Variants in DCLRE1C observed in about 807,000 individuals in gnomAD.
DCLRE1C encodes DNA cross-link repair 1C, also known as protein artemis.
Under a neutral mutation model 61.4 loss-of-function variants are expected in DCLRE1C, and 47 were observed. The ratio of observed to expected loss-of-function variants is 0.77; its 90% CI spans 0.61 to 0.98. The LOEUF (loss-of-function observed/expected upper bound fraction) is 0.98. Ranked by LOEUF, DCLRE1C falls within the 50% of genes least tolerant of loss-of-function variation. DCLRE1C has a pLI of 0.00. For synonymous variants in DCLRE1C, 337 were observed against 287.6 expected (o/e 1.17, Z -1.74); for missense variants, 858 against 816.0 (o/e 1.05, Z -0.63).
intron 3 of DCLRE1C, among the ~76,000 whole-genome samples, chr10:14,943,714 A>AT (rs1013620033): frequency 6.6e-6 from 1 of 151,764 alleles, no homozygotes; most frequent in African/African-American, 2.4e-5. Flanking sequence ...ACCACACCCA[A>AT]TTTTTTGCAT....
At chr10:14,917,459 A>G (rs1836379428) in intron 13 of DCLRE1C, among the ~76,000 whole-genome samples, 1 of 152,094 alleles carries the variant, frequency 6.6e-6, no homozygotes, top group Non-Finnish European at 1.5e-5. Context: ...AGAGTAGAAG[A>G]AAATCTTTGT....
intron 11 of DCLRE1C, among the ~76,000 whole-genome samples, chr10:14,925,455 C>T (rs2130815969): frequency 6.6e-6 from 1 of 152,274 alleles, no homozygotes; most frequent in African/African-American, 2.4e-5. Flanking sequence ...ATTATAGTCA[C>T]CATAAATGCT....
At chr10:14,947,439 A>G (rs542257252) in intron 2 of DCLRE1C, 14 of 152,314 alleles carry the variant, frequency 9.2e-5, no homozygotes, top group African/African-American at 3.1e-4. Context: ...GCAATAAGAC[A>G]TGATCAGTGT....
intron 12 of DCLRE1C, chr10:14,920,260 T>C: frequency 2.1e-6 from 1 of 465,592 alleles, no homozygotes; most frequent in Non-Finnish European, 3.1e-6. Flanking sequence ...AGGGTTTACT[T>C]ATATCTCACA....
At chr10:14,920,522 C>T in intron 12 of DCLRE1C, 1 of 598,642 alleles carries the variant, frequency 1.7e-6, no homozygotes, top group Non-Finnish European at 2.1e-6. Flanking sequence ...TTTACGTCCT[C>T]ACCCCTGTTC....
intron 6 of DCLRE1C, 58 bp from the exon 7 acceptor site, chr10:14,934,833 T>A: frequency 2.3e-6 from 3 of 1,326,128 alleles, no homozygotes; most frequent in Non-Finnish European, 3.3e-6. Flanking sequence ...ATGTGTAACT[T>A]TTTTTGTTTT....
rs1234786326 is a variant in DCLRE1C at position 14,904,972 on chromosome 10, A to C, written c.*3436T>G. 1.3e-5 allele frequency among the ~76,000 whole-genome samples: 2 copies of C among 152,242 alleles called. No individual in the cohort carries two copies. Among genetic ancestry groups the C allele is most frequent in the Admixed American group, 1.3e-4 (2 of 15,288 alleles). The stretch of plus-strand genomic sequence containing the variant: ...TTCCCCCATATCTAAAATGTAGACA[A>C]TAGTTGTTTCTCTTTTAGTTCATCA... On this transcript the variant is annotated 3_prime_UTR_variant, in exon 14 of 14. Transcript: ENST00000378278.
Position 14,904,614 on chromosome 10 carries a change from AGTTTT to A in DCLRE1C, c.*3789_*3793del, listed in dbSNP as rs1375268230. Among the ~76,000 whole-genome samples the A allele has an allele frequency of 6.6e-6, 1 of 152,172 alleles. No homozygotes were observed. Among genetic ancestry groups the A allele is most frequent in the Non-Finnish European group, 1.5e-5 (1 of 68,026 alleles). ...AAAAGACTATTTTCAGTAAACATGT[AGTTTT>A]GTTTTGTCTTTATTGATAGAATGTA... On this transcript the variant is annotated 3_prime_UTR_variant, in exon 14 of 14. Transcript: ENST00000378278.
Position 14,948,770 on chromosome 10 carries a change from T to A in DCLRE1C, c.161+266A>T, listed in dbSNP as rs12415197. On this transcript the variant is annotated intron_variant, in intron 2 of 13. Coordinates refer to ENST00000378278, the MANE Select transcript of DCLRE1C (RefSeq NM_001033855.3). The stretch of plus-strand genomic sequence containing the variant: ...TTTTTAGAGAGTGTATTTGGTAGGA[T>A]TATATATATATATATATATATCAAG... Among the ~76,000 whole-genome samples the A allele has an allele frequency of 8.3e-4, 119 of 143,596 alleles. 1 individual carries two copies. Among genetic ancestry groups the A allele is most frequent in the Middle Eastern group, 3.6e-3 (1 of 278 alleles). 94.2% of individuals were successfully genotyped at this position (143,596 alleles called of 152,430 possible).
rs750020058 is a variant in DCLRE1C, at chr10:14,908,165, C to CTTTTTTTTTTTTTTTT, written c.*227_*242dup. On this transcript the variant is annotated 3_prime_UTR_variant, in exon 14 of 14. Coordinates refer to ENST00000378278, the MANE Select transcript of DCLRE1C (RefSeq NM_001033855.3). The stretch of plus-strand genomic sequence containing the variant: ...CAGAGTAGCCCACCACCATGCCTGG[C>CTTTTTTTTTTTTTTTT]TTTTTTTTTTTTTTTTTTTTTTGTA... 1.5e-4 allele frequency: 29 copies of CTTTTTTTTTTTTTTTT among 197,852 alleles called. 10 individuals are homozygous for CTTTTTTTTTTTTTTTT. The highest frequency in any genetic ancestry group is 5.8e-4 in the South Asian group (10 of 17,232). The allele number at this position is 197,852 out of a possible 1,614,324, so 12.3% of individuals were successfully genotyped here.
chr10:14,920,142 T>C (rs1426239172), intron 12 of DCLRE1C, among the ~76,000 whole-genome samples: 2 of 152,190 alleles, frequency 1.3e-5, no homozygotes, highest in African/African-American at 2.4e-5. Flanking sequence ...ATCTTTGCTC[T>C]TGGAATGCAA....
chr10:14,946,572 C>T (rs1841722681), intron 2 of DCLRE1C, among the ~76,000 whole-genome samples: 1 of 152,096 alleles, frequency 6.6e-6, no homozygotes, highest in Non-Finnish European at 1.5e-5. Context: ...CCAGGTAGTA[C>T]AACTTCCTCC....
chr10:14,936,436 C>CT, intron 5 of DCLRE1C, 102 bp downstream of exon 5: 1 of 902,608 alleles, frequency 1.1e-6, no homozygotes, highest in Admixed American at 2.0e-5. Context: ...ACATGTGCCA[C>CT]TGCACCCAGC....
intron 1 of DCLRE1C, among the ~76,000 whole-genome samples, chr10:14,949,425 G>C (rs1041046827): frequency 1.3e-5 from 2 of 152,128 alleles, no homozygotes; most frequent in Non-Finnish European, 2.9e-5. Flanking sequence ...ACCATCCTTC[G>C]AGCCAAGCTC....
intron 2 of DCLRE1C, among the ~76,000 whole-genome samples, chr10:14,946,684 G>C (rs61845576): frequency 1.2e-4 from 18 of 151,570 alleles, no homozygotes; most frequent in Middle Eastern, 3.2e-3. Flanking sequence ...TTTTTAGGGG[G>C]AGGGGAGCTC....
chr10:14,945,835 T>G (rs1841597838), intron 2 of DCLRE1C, among the ~76,000 whole-genome samples: 1 of 151,440 alleles, frequency 6.6e-6, no homozygotes, highest in East Asian at 1.9e-4. Context: ...ATTTTTGTAT[T>G]TTTGTAGAGA....
chr10:14,905,552 A>C lies in DCLRE1C; in HGVS notation c.*2856T>G, dbSNP rs915694486. On this transcript the variant is annotated 3_prime_UTR_variant, in exon 14 of 14. Transcript: ENST00000378278. The stretch of plus-strand genomic sequence containing the variant: ...CAAGATCACCCAGTGAACTTTTTAA[A>C]GTATTTAATCTTCGGCTTCAGGCAG... Among the ~76,000 whole-genome samples, 1 of 152,272 alleles carries C rather than the reference A, an allele frequency of 6.6e-6. No individual in the cohort carries two copies. Among genetic ancestry groups the C allele is most frequent in the Non-Finnish European group, 1.5e-5 (1 of 68,050 alleles).
intron 1 of DCLRE1C, among the ~76,000 whole-genome samples, chr10:14,950,106 C>G (rs1030263869): frequency 6.6e-6 from 1 of 151,920 alleles, no homozygotes; most frequent in Non-Finnish European, 1.5e-5. Context: ...TTTGGGAGGC[C>G]GAGGCAGGCG....
At chr10:14,913,793 A>G (rs1835701992) in intron 13 of DCLRE1C, among the ~76,000 whole-genome samples, 1 of 152,218 alleles carries the variant, frequency 6.6e-6, no homozygotes, top group Non-Finnish European at 1.5e-5. Context: ...GTTATATGCA[A>G]ATGTAACACC....
Sources: gnomAD v4.1 joint callset for allele counts (sites outside exome capture counted in the v4.1 genomes callset) on GRCh38, gnomAD v4.1.1 for gene constraint, MANE v1.5 for transcripts, NCBI Gene and HGNC (gene_info 2026-07-23, HGNC 2026-07-21) for gene names.